Variants in REV1 observed in about 807,000 individuals in gnomAD.
REV1 encodes the protein REV1 DNA directed polymerase.
In REV1, 42 loss-of-function variants were observed where a neutral mutation model predicts 137.4. The observed-to-expected ratio is 0.31, with a 90% confidence interval of 0.24 to 0.40. REV1 has a LOEUF of 0.40. Among genes scored for constraint, REV1 ranks in the 10% least tolerant of loss-of-function variants. The probability of loss-of-function intolerance (pLI) is 1.00; values close to 1 mark genes in which losing one functional copy is unlikely to be tolerated. For synonymous variants in REV1, 524 were observed against 519.2 expected, an observed-to-expected ratio of 1.01 and a Z score of -0.12; for missense variants, 1,282 against 1,490.1, an observed-to-expected ratio of 0.86 and a Z score of 2.30.
intron 22 of REV1, among the ~76,000 whole-genome samples, chr2:99,401,592 G>GA (rs967454091): frequency 1.3e-5 from 2 of 151,856 alleles, no homozygotes; most frequent in African/African-American, 4.8e-5. Context: ...ACAAAAAATA[G>GA]AAAAATTAGG....
chr2:99,424,845 T>C lies in REV1; in HGVS notation c.1548-565A>G, dbSNP rs766909351. 3 of 1,304,106 alleles carry C rather than the reference T, an allele frequency of 2.3e-6. No individual in the cohort carries two copies. In the East Asian group the frequency reaches 1.7e-4, roughly 72 times the overall value. 80.8% of individuals were successfully genotyped at this position (1,304,106 alleles called of 1,614,324 possible). Reference sequence around the variant, plus strand: ...AGTGGTTGAGATGCCAACAGCATTGTACATGGTAGGACATCACTCTGGGCA... The same window carrying C: ...AGTGGTTGAGATGCCAACAGCATTGCACATGGTAGGACATCACTCTGGGCA... On this transcript the variant is annotated intron_variant, in intron 9 of 22. Transcript: ENST00000258428.
At chr2:99,423,020 C>T (rs1281216920) in intron 10 of REV1, among the ~76,000 whole-genome samples, 2 of 152,148 alleles carry the variant, frequency 1.3e-5, no homozygotes, top group Non-Finnish European at 2.9e-5. Flanking sequence ...TTTAGTTACC[C>T]AACTTATAAC....
chr2:99,425,027 CTCTG>C, intron 9 of REV1: 1 of 680,738 alleles, frequency 1.5e-6, no homozygotes, highest in Non-Finnish European at 2.0e-6. Flanking sequence ...TATTTTATCA[CTCTG>C]TAAAGAATCA....
At chr2:99,439,980 C>T (rs1428195609) in intron 5 of REV1, among the ~76,000 whole-genome samples, 2 of 152,034 alleles carry the variant, frequency 1.3e-5, no homozygotes, top group Non-Finnish European at 2.9e-5. Context: ...AAAAGTAAAG[C>T]CATGTCAATG....
chr2:99,475,574 G>A (rs181243194), intron 1 of REV1, among the ~76,000 whole-genome samples: 4 of 152,044 alleles, frequency 2.6e-5, no homozygotes, highest in African/African-American at 9.7e-5. Context: ...AGAGTCTTTT[G>A]CAATTTTTTA....
chr2:99,460,832 T>C (rs1684102353), intron 3 of REV1, among the ~76,000 whole-genome samples: 1 of 152,002 alleles, frequency 6.6e-6, no homozygotes, highest in Non-Finnish European at 1.5e-5. Context: ...AAACAGAAAA[T>C]GTTTTACAGT....
intron 6 of REV1, 124 bp downstream of exon 6, chr2:99,438,477 T>C: frequency 1.5e-6 from 1 of 664,678 alleles, no homozygotes; most frequent in South Asian, 1.9e-5. Flanking sequence ...GTAACTTACA[T>C]GATTTGACAT....
chr2:99,486,261 G>A (rs1340733638), intron 1 of REV1, among the ~76,000 whole-genome samples: 6 of 152,250 alleles, frequency 3.9e-5, no homozygotes, highest in African/African-American at 1.4e-4. Flanking sequence ...TGGGACCAGT[G>A]GCTCACGCCT....
intron 3 of REV1, among the ~76,000 whole-genome samples, chr2:99,451,953 ATTT>A (rs958870896): frequency 6.8e-6 from 1 of 147,724 alleles, no homozygotes; most frequent in African/African-American, 2.5e-5. Flanking sequence ...CCTATTTTGA[ATTT>A]TTTTTTTTTA....
intron 3 of REV1, among the ~76,000 whole-genome samples, chr2:99,456,994 T>C (rs1284222785): frequency 6.6e-6 from 1 of 152,258 alleles, no homozygotes; most frequent in Admixed American, 6.5e-5. Flanking sequence ...TTCTCCATTT[T>C]CATTTGGAAA....
At chr2:99,450,358 CTCTT>C (rs1019609956) in intron 3 of REV1, among the ~76,000 whole-genome samples, 4 of 152,166 alleles carry the variant, frequency 2.6e-5, no homozygotes, top group African/African-American at 9.7e-5. Context: ...CATCACTGTT[CTCTT>C]TCTTTCACCT....
At chr2:99,407,508 C>T (rs186099426) in intron 15 of REV1, among the ~76,000 whole-genome samples, 1,587 of 151,580 alleles carry the variant, frequency 0.01, 8 homozygotes, top group Middle Eastern at 0.024. Context: ...GCCGATACAA[C>T]GCCATTGCAC....
chr2:99,474,460 GTAACC>G (rs1283330948), intron 1 of REV1, among the ~76,000 whole-genome samples: 3 of 152,194 alleles, frequency 2.0e-5, no homozygotes, highest in Non-Finnish European at 4.4e-5. Flanking sequence ...TTGATCTGAA[GTAACC>G]TAACACAATT....
At chr2:99,412,648 G>C (rs1197823203) in intron 13 of REV1, 83 bp downstream of exon 13, 1 of 1,036,104 alleles carries the variant, frequency 9.7e-7, no homozygotes, top group Non-Finnish European at 1.5e-6. Flanking sequence ...AAGCATTGAG[G>C]GTCTAATGGT....
chr2:99,457,037 T>C (rs1348161509), intron 3 of REV1, among the ~76,000 whole-genome samples: 2 of 152,194 alleles, frequency 1.3e-5, no homozygotes, highest in South Asian at 2.1e-4. Flanking sequence ...GCTAAACATT[T>C]CGATTCCTTT....
At chr2:99,474,739 T>G (rs72817004) in intron 1 of REV1, among the ~76,000 whole-genome samples, 259 of 152,032 alleles carry the variant, frequency 1.7e-3, no homozygotes, top group Non-Finnish European at 2.8e-3. Context: ...CTGTCTCTAT[T>G]AAAAAGAAAA....
rs1359497456 is a variant in REV1, at chr2:99,404,501, A to C, written c.2988T>G (p.Pro996=). Reference sequence around the variant, plus strand: ...TTCCTGCGTCACTGTTCGATTCTTGAGGTTCTGGTATTTGCAACAAGACTG... The same window carrying C: ...TTCCTGCGTCACTGTTCGATTCTTGCGGTTCTGGTATTTGCAACAAGACTG... ...VGTVLLQIPE[P]QESNSDAGIN... is the part of the protein sequence containing the mutation. The change falls in exon 18 of 23, where the codon CCT becomes CCG. Residue 996 remains proline, a synonymous_variant. Transcript: ENST00000258428. 1 of 1,613,984 alleles carries C rather than the reference A, an allele frequency of 6.2e-7. No individual in the cohort carries two copies. The highest frequency in any genetic ancestry group is 1.3e-5 in the African/African-American group (1 of 74,900).
Position 99,415,556 on chromosome 2 carries a change from C to T in REV1, c.1952-2605G>A, listed in dbSNP as rs562752560. Among the ~76,000 whole-genome samples, 4 of 152,358 alleles carry T rather than the reference C, an allele frequency of 2.6e-5. No homozygotes were observed. The South Asian group carries it at 6.2e-4, about 24-fold the overall frequency. ...CTTTCTGCAGTGATGGAAATGTTCT[C>T]GTCTGCTATCCAATACAGGAGAACC... On this transcript the variant is annotated intron_variant, in intron 12 of 22. Transcript: ENST00000258428.
At position 99,403,717 on chromosome 2, in the gene REV1, G is replaced by C; in HGVS notation, c.3144C>G (p.His1048Gln). 2.5e-6 allele frequency: 4 copies of C among 1,614,172 alleles called. No individual in the cohort carries two copies. Among genetic ancestry groups the C allele is most frequent in the Non-Finnish European group, 3.4e-6 (4 of 1,180,028 alleles). ...QRQRQGENST[H>Q]QQSASASVPK... is the part of the protein sequence containing the mutation. ...CACCAGATGCGCTGGCTGACTGCTG[G>C]TGAGTGCTGTTCTCGCCCTGCCTTT... is the stretch of plus-strand genomic sequence containing the variant. Residue 1048 changes from histidine to glutamine, a missense_variant, in exon 19 of 23, where the codon CAC becomes CAG. His to Gln is a conservative substitution (Grantham distance 24, BLOSUM62 0). Transcript: ENST00000258428.
Sources: allele counts gnomAD v4.1 joint callset (sites outside exome capture counted in the v4.1 genomes callset), GRCh38; gene constraint gnomAD v4.1.1; transcripts MANE v1.5; gene names NCBI Gene and HGNC (gene_info 2026-07-23, HGNC 2026-07-21).